Variants in MME observed in about 807,000 individuals in gnomAD.
MME encodes the protein neprilysin.
A neutral mutation model predicts 113.2 loss-of-function variants in MME; 98 were observed. That is an observed-to-expected ratio of 0.87 (90% CI 0.74 to 1.02). The LOEUF (loss-of-function observed/expected upper bound fraction) is 1.02, where lower values mean the gene tolerates loss of function less well. Among genes scored for constraint, MME ranks in the 50% least tolerant of loss-of-function variants. The pLI is 0.00. For synonymous variants in MME, 292 were observed against 300.6 expected (o/e 0.97, Z 0.30); for missense variants, 836 against 896.0 (o/e 0.93, Z 0.86).
chr3:155,140,050 T>A, intron 9 of MME, 141 bp from the exon 10 acceptor site: 1 of 512,980 alleles, frequency 1.9e-6, no homozygotes, highest in Non-Finnish European at 3.4e-6. Context: ...TTTTTTGAAA[T>A]GACAAAACAA....
chr3:155,102,359 T>C (rs1466867335), intron 3 of MME, among the ~76,000 whole-genome samples: 2 of 152,184 alleles, frequency 1.3e-5, no homozygotes. Flanking sequence ...ATACTTAAAA[T>C]TATTGCTTTT....
chr3:155,042,918 A>ATATATATATATATG (rs1713393297), intron 1 of MME, among the ~76,000 whole-genome samples: 39 of 53,582 alleles, frequency 7.3e-4, no homozygotes, highest in Middle Eastern at 0.02. Flanking sequence ...ATATATATAT[A>ATATATATATATATG]TATATATATA....
At chr3:155,115,388 G>A (rs147369004) in intron 4 of MME, among the ~76,000 whole-genome samples, 3 of 151,300 alleles carry the variant, frequency 2.0e-5, no homozygotes, top group Non-Finnish European at 4.4e-5. Flanking sequence ...ATAATAAAGC[G>A]GTATCATCTC....
chr3:155,077,021 C>T (rs953102233), upstream of MME, among the ~76,000 whole-genome samples: 3 of 152,196 alleles, frequency 2.0e-5, no homozygotes, highest in East Asian at 1.9e-4. Flanking sequence ...TTGTGCCAAC[C>T]GACCTCCTAC....
chr3:155,180,612 G>T lies in MME; in HGVS notation c.*153G>T. 1.4e-6 allele frequency: 1 copy of T among 697,366 alleles called. No individual in the cohort carries two copies. The highest frequency in any genetic ancestry group is 2.7e-6 in the Non-Finnish European group (1 of 376,248). 43.2% of individuals were successfully genotyped at this position (697,366 alleles called of 1,614,324 possible). A position where few individuals can be genotyped will look rare whatever the true frequency, so the allele number is the denominator to read the frequency against. ...CACCATCACAATACAGATAACATTA[G>T]GTTGTCCTAGAAAGGGTGTGGAGGG... On this transcript the variant is annotated 3_prime_UTR_variant, in exon 23 of 23. Transcript: ENST00000360490.
chr3:155,089,108 A>G (rs1258126185), intron 3 of MME, among the ~76,000 whole-genome samples: 2 of 152,244 alleles, frequency 1.3e-5, no homozygotes, highest in Non-Finnish European at 2.9e-5. Flanking sequence ...ACTTGCCTAT[A>G]TGTGTAATGC....
At chr3:155,113,823 A>G (rs967264301) in intron 3 of MME, among the ~76,000 whole-genome samples, 2 of 152,186 alleles carry the variant, frequency 1.3e-5, no homozygotes, top group Non-Finnish European at 2.9e-5. Flanking sequence ...CCAGGAGGCT[A>G]TGATAGCAAC....
At chr3:155,025,488 G>A (rs917438938) in intron 1 of MME, among the ~76,000 whole-genome samples, 8 of 151,328 alleles carry the variant, frequency 5.3e-5, no homozygotes, top group Non-Finnish European at 1.0e-4. Context: ...GCTGGGCATC[G>A]TGGCAGGCAC....
intron 1 of MME, among the ~76,000 whole-genome samples, chr3:155,073,534 T>C (rs998890296): frequency 6.6e-6 from 1 of 151,970 alleles, no homozygotes; most frequent in Non-Finnish European, 1.5e-5. Flanking sequence ...TAAAACACAA[T>C]GACATTAATT....
intron 1 of MME, chr3:155,081,990 C>T (rs1054282597): frequency 1.3e-5 from 2 of 152,198 alleles, no homozygotes; most frequent in Non-Finnish European, 2.9e-5. Context: ...CTGTCACTGT[C>T]TTCATTTCTC....
At chr3:155,065,245 C>A (rs983661234) in intron 1 of MME, among the ~76,000 whole-genome samples, 1 of 152,126 alleles carries the variant, frequency 6.6e-6, no homozygotes, top group African/African-American at 2.4e-5. Flanking sequence ...TTTGGACATT[C>A]TTTCATCAAG....
intron 14 of MME, among the ~76,000 whole-genome samples, chr3:155,146,180 T>C (rs149698964): frequency 6.3e-4 from 96 of 151,832 alleles, no homozygotes; most frequent in African/African-American, 2.3e-3. Context: ...AATGAAATAA[T>C]AAAATAAGTA....
chr3:155,080,776 A>G (rs909691305), intron 1 of MME, among the ~76,000 whole-genome samples: 1 of 152,160 alleles, frequency 6.6e-6, no homozygotes, highest in Admixed American at 6.5e-5. Context: ...TCCCCCATAT[A>G]TGATTCAAAT....
At chr3:155,041,335 A>T (rs1288661625) in intron 1 of MME, among the ~76,000 whole-genome samples, 3 of 152,212 alleles carry the variant, frequency 2.0e-5, no homozygotes, top group Admixed American at 6.5e-5. Context: ...GATGTGCTAG[A>T]ATTTTACAAC....
chr3:155,133,662 C>CTATATATGTATGGTATATATA (rs1266037292), intron 8 of MME, among the ~76,000 whole-genome samples: 9 of 25,708 alleles, frequency 3.5e-4, no homozygotes, highest in Non-Finnish European at 5.2e-4. Context: ...TATACACACA[C>CTATATATGTATGGTATATATA]CATATATATA....
chr3:155,155,438 A>T (rs1722244979), intron 16 of MME, among the ~76,000 whole-genome samples: 1 of 152,140 alleles, frequency 6.6e-6, no homozygotes, highest in South Asian at 2.1e-4. Context: ...GTGCATAGCA[A>T]TGGTGCCCTC....
chr3:155,091,864 T>A (rs1398091499), intron 3 of MME, among the ~76,000 whole-genome samples: 1 of 152,144 alleles, frequency 6.6e-6, no homozygotes, highest in Non-Finnish European at 1.5e-5. Flanking sequence ...CTTGTTTTGA[T>A]CCTATTTCTG....
intron 1 of MME, among the ~76,000 whole-genome samples, chr3:155,047,969 G>A (rs977451753): frequency 2.6e-5 from 4 of 152,132 alleles, no homozygotes; most frequent in Non-Finnish European, 4.4e-5. Context: ...GTTTTGAGTA[G>A]TCTAGTTATC....
chr3:155,136,167 T>C (rs1196006174), intron 8 of MME, among the ~76,000 whole-genome samples: 3 of 152,178 alleles, frequency 2.0e-5, no homozygotes, highest in Non-Finnish European at 2.9e-5. Context: ...TAGGTAGGAC[T>C]TCCAGTACTG....
Sources: allele counts gnomAD v4.1 joint callset (sites outside exome capture counted in the v4.1 genomes callset), GRCh38; gene constraint gnomAD v4.1.1; transcripts MANE v1.5; gene names NCBI Gene and HGNC (gene_info 2026-07-23, HGNC 2026-07-21).